The following DTHD1 variants were observed in gnomAD, a reference collection of about 807,000 sequenced individuals.
DTHD1 encodes the protein death domain-containing protein 1.
A neutral mutation model predicts 74.8 loss-of-function variants in DTHD1; 59 were observed. The ratio of observed to expected loss-of-function variants is 0.79; its 90% CI spans 0.64 to 0.98. DTHD1 has a LOEUF of 0.98. Among genes scored for constraint, DTHD1 ranks in the 50% least tolerant of loss-of-function variants. The pLI, the probability that DTHD1 is intolerant of heterozygous loss-of-function variation, is 0.00. For synonymous variants in DTHD1, 365 were observed against 371.1 expected (o/e 0.98, Z 0.19); for missense variants, 1,051 against 1,065.4 (o/e 0.99, Z 0.19).
intron 8 of DTHD1, among the ~76,000 whole-genome samples, chr4:36,333,219 A>C (rs535338881): frequency 6.6e-6 from 1 of 152,198 alleles, no homozygotes; most frequent in African/African-American, 2.4e-5. Context: ...TATATAGTAC[A>C]TGTTACATAT....
At chr4:36,322,530 C>A (rs1490359061) in intron 8 of DTHD1, among the ~76,000 whole-genome samples, 1 of 151,932 alleles carries the variant, frequency 6.6e-6, no homozygotes, top group African/African-American at 2.4e-5. Context: ...AGGAGAGCAT[C>A]CAAGTGGGAG....
In DTHD1 at chr4:36,347,009, A is replaced by G. The variant is rs942753295; in HGVS notation, c.*3185A>G. Among the ~76,000 whole-genome samples, 10 of 152,162 alleles carry G rather than the reference A, an allele frequency of 6.6e-5. No individual in the cohort carries two copies. The highest frequency in any genetic ancestry group is 1.2e-4 in the Non-Finnish European group (8 of 68,032). ...ATTATTCTAATTTGAGTATATCACT[A>G]TATTTCTCATTGAGACCCTGATTGA... On this transcript the variant is annotated 3_prime_UTR_variant, in exon 10 of 10. Transcript: ENST00000639862.
intron 5 of DTHD1, among the ~76,000 whole-genome samples, chr4:36,297,909 T>C (rs1288993795): frequency 6.8e-6 from 1 of 147,978 alleles, no homozygotes; most frequent in African/African-American, 2.5e-5. Context: ...TTTGAGTTCA[T>C]ATAATTGTGT....
intron 8 of DTHD1, among the ~76,000 whole-genome samples, chr4:36,331,789 C>A (rs1004773485): frequency 6.6e-6 from 1 of 152,148 alleles, no homozygotes; most frequent in Non-Finnish European, 1.5e-5. Context: ...TATGTGGCAT[C>A]CATGCTAAAT....
rs1286355333 is a variant in DTHD1 at position 36,344,993 on chromosome 4, AC to A, written c.*1170del. 8 of 152,208 alleles carry A rather than the reference AC, an allele frequency of 5.3e-5. No individual in the cohort carries two copies. Among genetic ancestry groups the A allele is most frequent in the Non-Finnish European group, 1.2e-4 (8 of 68,034 alleles). The allele number at this position is 152,208 out of a possible 1,614,324, so 9.4% of individuals were successfully genotyped here. A position where few individuals can be genotyped will look rare whatever the true frequency, so the allele number is the denominator to read the frequency against. ...ACACTTCAGCCATTTACTGGCACAG[AC>A]TTTTCCTTTATAAAAATATAACTTG... On this transcript the variant is annotated 3_prime_UTR_variant, in exon 10 of 10. Transcript: ENST00000639862.
intron 5 of DTHD1, among the ~76,000 whole-genome samples, chr4:36,298,186 A>G (rs1304006202): frequency 6.6e-6 from 1 of 152,040 alleles, no homozygotes; most frequent in Non-Finnish European, 1.5e-5. Context: ...TCTAGGAGGA[A>G]TCAAGTGCTC....
intron 2 of DTHD1, among the ~76,000 whole-genome samples, chr4:36,289,248 G>T (rs75334768): frequency 6.6e-6 from 1 of 152,060 alleles, no homozygotes; most frequent in South Asian, 2.1e-4. Flanking sequence ...ACTCAAGTTG[G>T]TAATTTTAAT....
chr4:36,305,232 T>A (rs950419692), intron 5 of DTHD1, among the ~76,000 whole-genome samples: 1 of 152,230 alleles, frequency 6.6e-6, no homozygotes, highest in African/African-American at 2.4e-5. Context: ...GGTACTTGTA[T>A]TAGTCCATTT....
At chr4:36,318,514 A>C (rs1757859073) in intron 8 of DTHD1, among the ~76,000 whole-genome samples, 2 of 152,154 alleles carry the variant, frequency 1.3e-5, no homozygotes, top group African/African-American at 4.8e-5. Context: ...GGAATTTATT[A>C]AGCCATTGAT....
At chr4:36,314,511 CAAAAAA>C (rs35806275) in intron 7 of DTHD1, among the ~76,000 whole-genome samples, 7 of 74,512 alleles carry the variant, frequency 9.4e-5, no homozygotes, top group Non-Finnish European at 1.4e-4. Flanking sequence ...CCCGTCTCTA[CAAAAAA>C]AAAAAAAAAA....
At chr4:36,330,314 C>T (rs1315230844) in intron 8 of DTHD1, among the ~76,000 whole-genome samples, 1 of 152,156 alleles carries the variant, frequency 6.6e-6, no homozygotes, top group African/African-American at 2.4e-5. Context: ...ACATTACAAC[C>T]TTCATGTTAC....
chr4:36,326,543 C>A (rs1408646174), intron 8 of DTHD1, among the ~76,000 whole-genome samples: 1 of 152,164 alleles, frequency 6.6e-6, no homozygotes, highest in Non-Finnish European at 1.5e-5. Flanking sequence ...GGCAACACTC[C>A]TAACATTATA....
At chr4:36,342,642 T>C (rs1383472184) in intron 9 of DTHD1, among the ~76,000 whole-genome samples, 1 of 151,998 alleles carries the variant, frequency 6.6e-6, no homozygotes, top group African/African-American at 2.4e-5. Context: ...GATCATGTCG[T>C]GTGTATGTCT....
intron 7 of DTHD1, among the ~76,000 whole-genome samples, chr4:36,310,479 G>T (rs1213133712): frequency 6.6e-6 from 1 of 152,140 alleles, no homozygotes; most frequent in Non-Finnish European, 1.5e-5. Context: ...AGGTGTGTGT[G>T]TAAAAATGAG....
At chr4:36,318,958 G>A (rs1009529318) in intron 8 of DTHD1, among the ~76,000 whole-genome samples, 1 of 152,050 alleles carries the variant, frequency 6.6e-6, no homozygotes, top group Admixed American at 6.5e-5. Context: ...TGCACCATAC[G>A]GCCGTTACTT....
chr4:36,309,782 CAAATA>C (rs984703360), intron 7 of DTHD1, among the ~76,000 whole-genome samples: 1 of 152,140 alleles, frequency 6.6e-6, no homozygotes, highest in Non-Finnish European at 1.5e-5. Flanking sequence ...CATTGACTGA[CAAATA>C]AACTATCATC....
chr4:36,334,607 G>A (rs1400700163), intron 8 of DTHD1, among the ~76,000 whole-genome samples: 14 of 152,194 alleles, frequency 9.2e-5, no homozygotes, highest in East Asian at 1.9e-4. Flanking sequence ...TGATCCACCT[G>A]CCTCGGCCTC....
At chr4:36,285,024 C>T (rs963095843) in intron 2 of DTHD1, among the ~76,000 whole-genome samples, 1 of 152,138 alleles carries the variant, frequency 6.6e-6, no homozygotes, top group Non-Finnish European at 1.5e-5. Flanking sequence ...ACTATAGCAA[C>T]ATGCATAGTA....
chr4:36,290,042 C>T (rs1755966379), intron 2 of DTHD1, among the ~76,000 whole-genome samples: 1 of 152,086 alleles, frequency 6.6e-6, no homozygotes, highest in Non-Finnish European at 1.5e-5. Flanking sequence ...GTGGAATAAT[C>T]AATTGCTTAA....
Sources: allele counts gnomAD v4.1 joint callset (sites outside exome capture counted in the v4.1 genomes callset), GRCh38; gene constraint gnomAD v4.1.1; transcripts MANE v1.5; gene names NCBI Gene and HGNC (gene_info 2026-07-23, HGNC 2026-07-21).